The following DLG1 variants were observed in gnomAD, a reference collection of about 807,000 sequenced individuals.
DLG1 encodes discs large MAGUK scaffold protein 1.
Under a neutral mutation model 123.4 loss-of-function variants are expected in DLG1, and 42 were observed. The ratio of observed to expected loss-of-function variants is 0.34; its 90% CI spans 0.27 to 0.44. The LOEUF is 0.44. Among genes scored for constraint, DLG1 ranks in the 20% least tolerant of loss-of-function variants. DLG1 has a pLI of 1.00. For synonymous variants in DLG1, 317 were observed against 356.2 expected, an observed-to-expected ratio of 0.89 and a Z score of 1.24; for missense variants, 942 against 1,082.6, an observed-to-expected ratio of 0.87 and a Z score of 1.82.
At chr3:197,187,218 C>A (rs894924065) in intron 5 of DLG1, among the ~76,000 whole-genome samples, 8 of 152,026 alleles carry the variant, frequency 5.3e-5, no homozygotes, top group Non-Finnish European at 1.2e-4. Context: ...ATACCAGGTC[C>A]ATGATAAAAT....
At chr3:197,235,033 C>A (rs576081553) in intron 4 of DLG1, among the ~76,000 whole-genome samples, 69 of 152,210 alleles carry the variant, frequency 4.5e-4, no homozygotes, top group African/African-American at 1.6e-3. Context: ...TGACCTTCTG[C>A]CTTAAAACAA....
chr3:197,087,828 T>C (rs944485882), intron 15 of DLG1, among the ~76,000 whole-genome samples: 1 of 152,058 alleles, frequency 6.6e-6, no homozygotes, highest in Admixed American at 6.6e-5. Context: ...AAACAGAAGG[T>C]AGAAACACTG....
intron 5 of DLG1, among the ~76,000 whole-genome samples, chr3:197,153,737 A>G (rs1294567809): frequency 2.0e-5 from 3 of 152,144 alleles, no homozygotes; most frequent in African/African-American, 4.8e-5. Context: ...AACCAACCAC[A>G]TGTATGGAGG....
At chr3:197,274,636 G>A (rs1218171158) in intron 4 of DLG1, among the ~76,000 whole-genome samples, 5 of 152,082 alleles carry the variant, frequency 3.3e-5, no homozygotes, top group African/African-American at 4.8e-5. Flanking sequence ...AGATAACATC[G>A]AGCTAAAAAG....
intron 5 of DLG1, chr3:197,194,212 A>T (rs538217452): frequency 6.5e-6 from 2 of 306,840 alleles, no homozygotes; most frequent in Non-Finnish European, 1.2e-5. Context: ...TAAAGATAGC[A>T]TCACTGACTA....
intron 6 of DLG1, among the ~76,000 whole-genome samples, chr3:197,148,159 G>A (rs199944617): frequency 6.7e-6 from 1 of 149,764 alleles, no homozygotes; most frequent in Non-Finnish European, 1.5e-5. Flanking sequence ...AGCACTTTGG[G>A]AGGCTGAGGC....
chr3:197,248,479 G>C (rs144418521), intron 4 of DLG1, among the ~76,000 whole-genome samples: 111 of 152,286 alleles, frequency 7.3e-4, no homozygotes, highest in Non-Finnish European at 1.4e-3. Flanking sequence ...AAATTTGTTA[G>C]AAGAGCTCAA....
chr3:197,184,143 T>C lies in DLG1; in HGVS notation c.483+10282A>G, dbSNP rs775486476. On this transcript the variant is annotated intron_variant, in intron 5 of 24. Transcript: ENST00000667157. Reference sequence around the variant, plus strand: ...TTTTGTTAGCTGATAACTAGATGGATTGAAATCCAGGAAGTGAGGTCGATT... The same window carrying C: ...TTTTGTTAGCTGATAACTAGATGGACTGAAATCCAGGAAGTGAGGTCGATT... 214 of 1,061,598 alleles carry C rather than the reference T, an allele frequency of 2.0e-4. 2 individuals carry two copies. The highest frequency in any genetic ancestry group is 4.5e-4 in the Middle Eastern group (1 of 2,232). 65.8% of individuals were successfully genotyped at this position (1,061,598 alleles called of 1,614,324 possible).
At chr3:197,077,329 G>A (rs2149014939) in intron 17 of DLG1, among the ~76,000 whole-genome samples, 1 of 151,872 alleles carries the variant, frequency 6.6e-6, no homozygotes, top group East Asian at 1.9e-4. Context: ...AAACTAAAAG[G>A]TCCATCAAGC....
intron 5 of DLG1, among the ~76,000 whole-genome samples, chr3:197,150,455 A>G (rs1422991728): frequency 1.3e-5 from 2 of 152,144 alleles, no homozygotes; most frequent in African/African-American, 4.8e-5. Context: ...TTAGGTTAGA[A>G]ATTATTATGT....
chr3:197,175,745 C>G (rs1806676767), intron 5 of DLG1, among the ~76,000 whole-genome samples: 1 of 152,184 alleles, frequency 6.6e-6, no homozygotes, highest in Non-Finnish European at 1.5e-5. Context: ...GTGAAACTTA[C>G]AGTTTAGTGG....
chr3:197,163,604 C>T (rs749802367), intron 5 of DLG1, among the ~76,000 whole-genome samples: 28 of 150,136 alleles, frequency 1.9e-4, no homozygotes, highest in Non-Finnish European at 3.1e-4. Flanking sequence ...CTCACTGTAA[C>T]GTCCGCCTCC....
chr3:197,128,276 A>C (rs1378400626), intron 11 of DLG1, among the ~76,000 whole-genome samples: 3 of 152,214 alleles, frequency 2.0e-5, no homozygotes, highest in African/African-American at 7.2e-5. Context: ...CATCATCTTC[A>C]CCTACCAGGA....
chr3:197,261,289 G>GA (rs538644020), intron 4 of DLG1, among the ~76,000 whole-genome samples: 67 of 152,320 alleles, frequency 4.4e-4, no homozygotes, highest in African/African-American at 1.5e-3. Flanking sequence ...ATGCCATAGT[G>GA]AAGTTAGCTA....
intron 4 of DLG1, among the ~76,000 whole-genome samples, chr3:197,245,902 G>T (rs1431699799): frequency 5.9e-5 from 8 of 136,664 alleles, no homozygotes; most frequent in Admixed American, 4.3e-4. Flanking sequence ...TTTTTTTTTG[G>T]GGGGGGGGGA....
At chr3:197,274,854 G>A (rs1331251135) in intron 4 of DLG1, among the ~76,000 whole-genome samples, 1 of 152,136 alleles carries the variant, frequency 6.6e-6, no homozygotes, top group Non-Finnish European at 1.5e-5. Context: ...ATGAAAAAAT[G>A]TTCAACATTA....
At chr3:197,266,999 T>C (rs934488299) in intron 4 of DLG1, among the ~76,000 whole-genome samples, 4 of 152,130 alleles carry the variant, frequency 2.6e-5, no homozygotes, top group Admixed American at 2.6e-4. Flanking sequence ...TAAAGAAAAC[T>C]GTAACTATAA....
At chr3:197,131,694 C>T (rs1409228677) in intron 10 of DLG1, among the ~76,000 whole-genome samples, 5 of 144,920 alleles carry the variant, frequency 3.5e-5, no homozygotes, top group African/African-American at 1.3e-4. Context: ...CCCGGGTTCA[C>T]GCCATTCTCC....
intron 5 of DLG1, among the ~76,000 whole-genome samples, chr3:197,189,742 T>C (rs1185373835): frequency 6.6e-6 from 1 of 152,320 alleles, no homozygotes; most frequent in Non-Finnish European, 1.5e-5. Flanking sequence ...ATGATTATCA[T>C]AATATCCTAA....
Sources: gnomAD v4.1 joint callset for allele counts (sites outside exome capture counted in the v4.1 genomes callset) on GRCh38, gnomAD v4.1.1 for gene constraint, MANE v1.5 for transcripts, NCBI Gene and HGNC (gene_info 2026-07-23, HGNC 2026-07-21) for gene names.